GPR158: variants seen among roughly 807,000 people sequenced by gnomAD.
GPR158 encodes the protein G protein-coupled receptor 158, also known as metabotropic glycine receptor.
A neutral mutation model predicts 78.2 loss-of-function variants in GPR158; 30 were observed. The observed-to-expected ratio is 0.38, with a 90% CI of 0.29 to 0.52. The LOEUF is 0.52. GPR158 is among the 20% of genes least tolerant of loss of function. GPR158 has a pLI of 0.83. For synonymous variants in GPR158, 581 were observed against 591.1 expected (o/e 0.98, Z 0.25); for missense variants, 1,463 against 1,523.5 (o/e 0.96, Z 0.66).
chr10:25,234,035 G>T (rs1188048881), intron 2 of GPR158, among the ~76,000 whole-genome samples: 2 of 151,964 alleles, frequency 1.3e-5, no homozygotes, highest in African/African-American at 4.8e-5. Flanking sequence ...TAATATATTA[G>T]ATGGTAAATA....
chr10:25,436,830 C>CA (rs1373546664), intron 4 of GPR158, among the ~76,000 whole-genome samples: 2 of 152,114 alleles, frequency 1.3e-5, no homozygotes, highest in Non-Finnish European at 2.9e-5. Flanking sequence ...GTTAAAAACA[C>CA]AAAAAATTCT....
At chr10:25,495,142 C>G (rs1588886842) in intron 5 of GPR158, among the ~76,000 whole-genome samples, 3 of 150,488 alleles carry the variant, frequency 2.0e-5, no homozygotes, top group East Asian at 3.9e-4. Flanking sequence ...TAGGTATAAT[C>G]CACTAACTTT....
intron 5 of GPR158, among the ~76,000 whole-genome samples, chr10:25,550,393 G>A (rs1451236087): frequency 6.6e-6 from 1 of 152,118 alleles, no homozygotes; most frequent in African/African-American, 2.4e-5. Flanking sequence ...TGGAGTGGTA[G>A]ACTGTTTGCA....
At chr10:25,520,980 A>G (rs934199780) in intron 5 of GPR158, among the ~76,000 whole-genome samples, 1 of 152,138 alleles carries the variant, frequency 6.6e-6, no homozygotes, top group African/African-American at 2.4e-5. Context: ...GGCGCCTTGC[A>G]GTTTGATCTC....
intron 2 of GPR158, among the ~76,000 whole-genome samples, chr10:25,337,959 T>G (rs1173261461): frequency 2.0e-5 from 3 of 152,142 alleles, no homozygotes; most frequent in Non-Finnish European, 2.9e-5. Flanking sequence ...GTATTTCGAC[T>G]GTTTTTTAAA....
chr10:25,496,638 A>G (rs925640430), intron 5 of GPR158, among the ~76,000 whole-genome samples: 1 of 152,326 alleles, frequency 6.6e-6, no homozygotes, highest in South Asian at 2.1e-4. Flanking sequence ...ATAGCTGTCT[A>G]ATTCTCATTT....
chr10:25,302,734 G>A (rs1854617747), intron 2 of GPR158, among the ~76,000 whole-genome samples: 1 of 152,148 alleles, frequency 6.6e-6, no homozygotes. Context: ...AAACAGTTTG[G>A]CAGCCCCTGT....
intron 2 of GPR158, among the ~76,000 whole-genome samples, chr10:25,316,513 T>C (rs946043114): frequency 6.6e-6 from 1 of 152,244 alleles, no homozygotes. Flanking sequence ...GTGAGCTTAT[T>C]GAGCACTGTA....
intron 2 of GPR158, among the ~76,000 whole-genome samples, chr10:25,325,413 G>GT (rs1306788882): frequency 6.6e-6 from 1 of 151,650 alleles, no homozygotes; most frequent in African/African-American, 2.4e-5. Flanking sequence ...TAGTATTCAT[G>GT]TATATGTGTG....
At chr10:25,414,125 T>G (rs184805665) in intron 4 of GPR158, among the ~76,000 whole-genome samples, 121 of 152,298 alleles carry the variant, frequency 7.9e-4, no homozygotes, top group African/African-American at 2.8e-3. Flanking sequence ...TTTAATTGAT[T>G]TTGATAATTA....
intron 5 of GPR158, among the ~76,000 whole-genome samples, chr10:25,470,644 A>G (rs1564464184): frequency 6.6e-6 from 1 of 152,188 alleles, no homozygotes. Flanking sequence ...AACAGAAGCA[A>G]TGCAGCAGTA....
intron 1 of GPR158, among the ~76,000 whole-genome samples, chr10:25,199,182 T>G (rs562683619): frequency 1.3e-5 from 2 of 151,878 alleles, no homozygotes; most frequent in South Asian, 4.2e-4. Context: ...AGGTCTGTTA[T>G]GTAAGTAAAT....
intron 2 of GPR158, among the ~76,000 whole-genome samples, chr10:25,320,027 G>A (rs1854924103): frequency 1.3e-5 from 2 of 152,050 alleles, no homozygotes; most frequent in Non-Finnish European, 2.9e-5. Flanking sequence ...ACCCCCTCAA[G>A]TCACACTGCT....
At chr10:25,556,399 C>T (rs1164740557) in intron 6 of GPR158, among the ~76,000 whole-genome samples, 4 of 152,106 alleles carry the variant, frequency 2.6e-5, no homozygotes, top group African/African-American at 9.7e-5. Context: ...AATAAAGCAT[C>T]TTTTGAACAT....
chr10:25,266,019 T>G (rs1020743972), intron 2 of GPR158, among the ~76,000 whole-genome samples: 1 of 152,156 alleles, frequency 6.6e-6, no homozygotes, highest in Admixed American at 6.5e-5. Context: ...TTTGTTTGCT[T>G]CAGTCTTACT....
At chr10:25,234,919 C>T (rs1377967789) in intron 2 of GPR158, among the ~76,000 whole-genome samples, 1 of 152,086 alleles carries the variant, frequency 6.6e-6, no homozygotes, top group African/African-American at 2.4e-5. Context: ...AAATGAGTAC[C>T]ATATATATGC....
intron 4 of GPR158, among the ~76,000 whole-genome samples, chr10:25,416,664 C>A (rs1346286022): frequency 6.6e-6 from 1 of 152,108 alleles, no homozygotes; most frequent in Non-Finnish European, 1.5e-5. Context: ...TACTATAATA[C>A]TTTCCTGGTT....
At chr10:25,185,262 A>G (rs1852666151) in intron 1 of GPR158, among the ~76,000 whole-genome samples, 2 of 152,200 alleles carry the variant, frequency 1.3e-5, no homozygotes, top group Admixed American at 6.5e-5. Context: ...GTGTGCATAT[A>G]TTTATGCTCA....
At position 25,263,253 on chromosome 10, in the gene GPR158, G is replaced by A. The variant is rs142773016; in HGVS notation, c.1008+42096G>A. Reference sequence around the variant, plus strand: ...GCCTAAATTATTTTTGCATGAGGATGTCCAGTTGTTCCCAGCACCGTTTTT... The same window carrying A: ...GCCTAAATTATTTTTGCATGAGGATATCCAGTTGTTCCCAGCACCGTTTTT... On this transcript the variant is annotated intron_variant, in intron 2 of 10. Coordinates refer to ENST00000376351, the MANE Select transcript of GPR158 (RefSeq NM_020752.3). 3.3e-5 allele frequency among the ~76,000 whole-genome samples: 5 copies of A among 152,316 alleles called. No homozygotes were observed. In the East Asian group the frequency reaches 5.8e-4, roughly 18 times the overall value.
Sources: allele counts gnomAD v4.1 joint callset (sites outside exome capture counted in the v4.1 genomes callset), GRCh38; gene constraint gnomAD v4.1.1; transcripts MANE v1.5; gene names NCBI Gene and HGNC (gene_info 2026-07-23, HGNC 2026-07-21).